The following PXK variants were observed in gnomAD, a reference collection of about 807,000 sequenced individuals.
The protein encoded by PXK is PX domain-containing protein kinase-like protein.
Under a neutral mutation model 84.7 loss-of-function variants are expected in PXK, and 35 were observed. That is an observed-to-expected ratio of 0.41 (90% confidence interval 0.32 to 0.55). The LOEUF (loss-of-function observed/expected upper bound fraction) is 0.55. PXK is among the 20% of genes least tolerant of loss of function. PXK has a pLI of 0.21. For missense variants in PXK, 634 were observed against 699.7 expected, an observed-to-expected ratio of 0.91 and a Z score of 1.06; for synonymous variants, 253 against 260.8, an observed-to-expected ratio of 0.97 and a Z score of 0.29.
At chr3:58,410,218 T>C (rs2059999272) in intron 16 of PXK, 59 bp downstream of exon 16, 1 of 1,345,484 alleles carries the variant, frequency 7.4e-7, no homozygotes, top group Non-Finnish European at 1.1e-6. Flanking sequence ...CAGGAGTCTC[T>C]AGTTGGTCAA....
At position 58,370,362 on chromosome 3, in the gene PXK, T is replaced by C. The variant is rs1037776882; in HGVS notation, c.201+884T>C. ...TGGTTAAAGGGTCCAAGAGGGGCTT[T>C]AGCACCTTAGGAAGTCCTGCCAATA... On this transcript the variant is annotated intron_variant, in intron 3 of 17. Coordinates refer to ENST00000356151, the MANE Select transcript of PXK (RefSeq NM_017771.5). The surrounding 1 kb of genome is among the most constrained non-coding windows in gnomAD (Gnocchi z 4.2). Among the ~76,000 whole-genome samples, 1 of 152,190 alleles carries C rather than the reference T, an allele frequency of 6.6e-6. No individual in the cohort carries two copies. Among genetic ancestry groups the C allele is most frequent in the African/African-American group, 2.4e-5 (1 of 41,456 alleles).
chr3:58,417,027 T>C (rs1420558747), intron 17 of PXK, among the ~76,000 whole-genome samples: 5 of 152,120 alleles, frequency 3.3e-5, no homozygotes, highest in African/African-American at 1.2e-4. Context: ...GCCTCAGCCT[T>C]CTGAGAGGCT....
intron 7 of PXK, among the ~76,000 whole-genome samples, chr3:58,392,704 C>CA (rs1287560471): frequency 1.3e-5 from 2 of 151,538 alleles, no homozygotes; most frequent in East Asian, 3.9e-4. Context: ...CTTTGTCACC[C>CA]AGGCTGGAAT....
chr3:58,421,686 T>C lies in PXK; in HGVS notation c.1529-3066T>C. On this transcript the variant is annotated intron_variant, in intron 17 of 17. Coordinates refer to ENST00000356151, the MANE Select transcript of PXK (RefSeq NM_017771.5). The surrounding 1 kb of genome is among the most constrained non-coding windows in gnomAD (Gnocchi z 5.5). Reference sequence around the variant, plus strand: ...CCCTAGATCTGACCTACGCTCTCCCTGCAGCATTCTCTGCCCTCTGACAGG... The same window carrying C: ...CCCTAGATCTGACCTACGCTCTCCCCGCAGCATTCTCTGCCCTCTGACAGG... 1.0e-6 allele frequency: 1 copy of C among 988,312 alleles called. No homozygotes were observed. Among genetic ancestry groups the C allele is most frequent in the Non-Finnish European group, 1.2e-6 (1 of 830,330 alleles). The allele number at this position is 988,312 out of a possible 1,614,324, so 61.2% of individuals were successfully genotyped here.
chr3:58,355,671 T>C (rs2098060981), intron 1 of PXK, among the ~76,000 whole-genome samples: 1 of 152,132 alleles, frequency 6.6e-6, no homozygotes, highest in African/African-American at 2.4e-5. Flanking sequence ...ACTTGGAAAA[T>C]GGCACGGCCA....
intron 13 of PXK, 103 bp downstream of exon 13, chr3:58,404,013 A>G: frequency 1.5e-6 from 1 of 686,224 alleles, no homozygotes; most frequent in Non-Finnish European, 2.2e-6. Context: ...TAATAGGGAA[A>G]ATTGGGAAAT....
Position 58,399,469 on chromosome 3 carries a change from C to G in PXK, c.1181+92C>G, listed in dbSNP as rs186306690. The G allele has an allele frequency of 8.6e-5, 110 of 1,272,294 alleles. No individual in the cohort carries two copies. The East Asian group carries it at 2.4e-3, about 27-fold the overall frequency. 78.8% of individuals were successfully genotyped at this position (1,272,294 alleles called of 1,614,324 possible). A position where few individuals can be genotyped will look rare whatever the true frequency, so the allele number is the denominator to read the frequency against. ...AGCACCTGGTACTGTAGTAAAGATT[C>G]TTGCGGTCCCTGCAGAGTTGGCGTG... On this transcript the variant is annotated intron_variant, in intron 12 of 17. Transcript: ENST00000356151. This position sits in a 1 kb window ranked among gnomAD's most constrained non-coding sequence, Gnocchi z 4.3.
At chr3:58,406,846 A>G (rs1009267795) in intron 13 of PXK, among the ~76,000 whole-genome samples, 1 of 152,222 alleles carries the variant, frequency 6.6e-6, no homozygotes, top group African/African-American at 2.4e-5. Context: ...TTCACTTAGC[A>G]TAATGTCCTC....
At chr3:58,353,579 G>A (rs1411591300) in intron 1 of PXK, among the ~76,000 whole-genome samples, 1 of 152,180 alleles carries the variant, frequency 6.6e-6, no homozygotes, top group African/African-American at 2.4e-5. Context: ...CTAATTCTAA[G>A]TGAAATATTA....
Position 58,391,817 on chromosome 3 carries a change from G to T in PXK, c.585G>T (p.Gln195His), listed in dbSNP as rs2098634603. The change falls in exon 7 of 18, where the codon CAG (glutamine) becomes CAT (histidine). Residue 195 changes from glutamine to histidine, a missense_variant. Gln to His is a conservative substitution (Grantham distance 24, BLOSUM62 0). This residue lies in a region of PXK where 353 missense variants were observed against 385.2 expected (regional missense o/e 0.92). Transcript: ENST00000356151. Reference protein sequence around the residue: ...PDKYLSDKDFQCLIKLLPSCL... With the variant: ...PDKYLSDKDFHCLIKLLPSCL... ...AGTATTTGTCAGATAAAGATTTTCA[G>T]TGTCTAATCAAACTTCTGCCTTCTT... 6.2e-7 allele frequency: 1 copy of T among 1,613,230 alleles called. No individual in the cohort carries two copies. Among genetic ancestry groups the T allele is most frequent in the South Asian group, 1.1e-5 (1 of 91,074 alleles).
intron 16 of PXK, 138 bp downstream of exon 16, chr3:58,410,297 G>T (rs57857883): frequency 0.093 from 54,032 of 584,010 alleles, 3,851 homozygotes; most frequent in African/African-American, 0.27. Flanking sequence ...AAATAACTCC[G>T]TCTCTAATGA....
At chr3:58,423,089 CAA>C (rs1344389193) in intron 17 of PXK, 8 of 985,426 alleles carry the variant, frequency 8.1e-6, no homozygotes, top group African/African-American at 1.7e-5. Context: ...GTGTTGCAGT[CAA>C]GAGACTCAGT....
chr3:58,333,652 AGTG>A lies in PXK; in HGVS notation c.102+567_102+569del. 2.2e-6 allele frequency: 1 copy of A among 456,536 alleles called. No individual in the cohort carries two copies. The highest frequency in any genetic ancestry group is 1.5e-5 in the South Asian group (1 of 64,560). The allele number at this position is 456,536 out of a possible 1,614,324, so 28.3% of individuals were successfully genotyped here. On this transcript the variant is annotated intron_variant, in intron 1 of 17. Transcript: ENST00000356151. This position sits in a 1 kb window ranked among gnomAD's most constrained non-coding sequence, Gnocchi z 5.4. Reference sequence around the variant, plus strand: ...CAGCCGCTTGGCCCTGGTCCCGGGAAGTGGTGGGGGCGGCAGTCGGGGCGCTGT... The same window carrying A: ...CAGCCGCTTGGCCCTGGTCCCGGGAAGTGGGGGCGGCAGTCGGGGCGCTGT...
In PXK at chr3:58,411,986, G is replaced by A. The variant is rs2060266954; in HGVS notation, c.1466-915G>A. Among the ~76,000 whole-genome samples the A allele has an allele frequency of 6.6e-6, 1 of 152,164 alleles. No individual in the cohort carries two copies. The highest frequency in any genetic ancestry group is 2.4e-5 in the African/African-American group (1 of 41,432). ...TGTCCATGAGACACCAACATGTCCT[G>A]TGGGTAGTGAGGGAAGTGATGGCTG... is the stretch of plus-strand genomic sequence containing the variant. On this transcript the variant is annotated intron_variant, in intron 16 of 17. Transcript: ENST00000356151. This position sits in a 1 kb window ranked among gnomAD's most constrained non-coding sequence, Gnocchi z 4.2.
In PXK at chr3:58,416,400, G is replaced by A. The variant is rs796257513; in HGVS notation, c.1528+3437G>A. 2.6e-5 allele frequency among the ~76,000 whole-genome samples: 4 copies of A among 152,202 alleles called. No individual in the cohort carries two copies. The highest frequency in any genetic ancestry group is 6.5e-5 in the Admixed American group (1 of 15,294). Reference sequence around the variant, plus strand: ...TTACAGGTCCCTAAAAGTTGGGGGCGGTCCCAGTTTCTATCTCATTGTGAT... The same window carrying A: ...TTACAGGTCCCTAAAAGTTGGGGGCAGTCCCAGTTTCTATCTCATTGTGAT... On this transcript the variant is annotated intron_variant, in intron 17 of 17. Transcript: ENST00000356151. This position sits in a 1 kb window ranked among gnomAD's most constrained non-coding sequence, Gnocchi z 4.8.
At chr3:58,378,576 C>T (rs2098468068) in intron 3 of PXK, among the ~76,000 whole-genome samples, 1 of 127,858 alleles carries the variant, frequency 7.8e-6, no homozygotes, top group South Asian at 2.7e-4. Context: ...CTCTTGTTGC[C>T]CAGGCTGGAG....
chr3:58,390,450 A>ATTT lies in PXK; in HGVS notation c.389-124_389-122dup. 1 of 431,850 alleles carries ATTT rather than the reference A, an allele frequency of 2.3e-6. No homozygotes were observed. 26.8% of individuals were successfully genotyped at this position (431,850 alleles called of 1,614,324 possible). On this transcript the variant is annotated intron_variant, in intron 4 of 17. Coordinates refer to ENST00000356151, the MANE Select transcript of PXK (RefSeq NM_017771.5). The surrounding 1 kb of genome is among the most constrained non-coding windows in gnomAD (Gnocchi z 4.2). ...GTGTGTATTTTCTTTCTTTATTATT[A>ATTT]TTTTTTTTTTGGTAATTAAGTTTTT... is the stretch of plus-strand genomic sequence containing the variant.
At chr3:58,353,143 C>T (rs958082982) in intron 1 of PXK, among the ~76,000 whole-genome samples, 19 of 152,038 alleles carry the variant, frequency 1.2e-4, no homozygotes, top group Non-Finnish European at 2.9e-5. Context: ...ACTACAGGCG[C>T]CCGCCACCAC....
At chr3:58,354,023 C>G (rs1378624240) in intron 1 of PXK, among the ~76,000 whole-genome samples, 1 of 152,116 alleles carries the variant, frequency 6.6e-6, no homozygotes, top group Non-Finnish European at 1.5e-5. Flanking sequence ...AGAGAAAGTG[C>G]CAGGGGAGAA....
Sources: allele counts gnomAD v4.1 joint callset (sites outside exome capture counted in the v4.1 genomes callset), GRCh38; gene constraint gnomAD v4.1.1; regional missense constraint gnomAD v4.1.1; non-coding constraint Gnocchi (gnomAD v3.1); transcripts MANE v1.5; gene names NCBI Gene and HGNC (gene_info 2026-07-23, HGNC 2026-07-21).